MTCL3: variants seen among roughly 807,000 people sequenced by gnomAD.
MTCL3 encodes the protein microtubule cross-linking factor 3.
chr6:127,475,698 G>C, the MTCL3 span: 6 of 1,584,708 alleles, frequency 3.8e-6, no homozygotes, highest in Non-Finnish European at 5.1e-6. This position sits in a 1 kb window ranked among gnomAD's most constrained non-coding sequence, Gnocchi z 7.3. Flanking sequence ...CGCCGCCGAT[G>C]GGCCCTTCGC....
At chr6:127,475,463 G>C in the MTCL3 span, 7 of 1,613,456 alleles carry the variant, frequency 4.3e-6, no homozygotes. The surrounding 1 kb of genome is among the most constrained non-coding windows in gnomAD (Gnocchi z 7.3). Flanking sequence ...TCGTCCATGA[G>C]TCCGAACAGG....
chr6:127,489,944 C>T, the MTCL3 span, among the ~76,000 whole-genome samples: 1 of 152,200 alleles, frequency 6.6e-6, no homozygotes, highest in Non-Finnish European at 1.5e-5. Flanking sequence ...GATAAAACAG[C>T]CTTCTATTGG....
chr6:127,514,045 G>T, the MTCL3 span, among the ~76,000 whole-genome samples: 2 of 152,152 alleles, frequency 1.3e-5, no homozygotes, highest in Non-Finnish European at 2.9e-5. Flanking sequence ...TGCAATGAAC[G>T]TATACTTATT....
the MTCL3 span, among the ~76,000 whole-genome samples, chr6:127,477,524 T>C: frequency 6.6e-6 from 1 of 152,200 alleles, no homozygotes; most frequent in African/African-American, 2.4e-5. Flanking sequence ...ATTCTTTCCT[T>C]ATCCAGTACT....
the MTCL3 span, among the ~76,000 whole-genome samples, chr6:127,502,816 T>G: frequency 6.6e-6 from 1 of 152,200 alleles, no homozygotes; most frequent in Non-Finnish European, 1.5e-5. Context: ...AAAATATTTA[T>G]TTTCCTTTAA....
At chr6:127,489,376 G>C in the MTCL3 span, among the ~76,000 whole-genome samples, 1 of 152,154 alleles carries the variant, frequency 6.6e-6, no homozygotes, top group Non-Finnish European at 1.5e-5. Context: ...TGGCCTCTAA[G>C]TTTTCAAGTG....
chr6:127,507,367 A>T, the MTCL3 span, among the ~76,000 whole-genome samples: 1 of 152,184 alleles, frequency 6.6e-6, no homozygotes, highest in Admixed American at 6.5e-5. Context: ...TATGTAAATA[A>T]GAAATTTGAA....
At chr6:127,494,263 A>C in the MTCL3 span, among the ~76,000 whole-genome samples, 1 of 152,234 alleles carries the variant, frequency 6.6e-6, no homozygotes, top group Admixed American at 6.5e-5. Context: ...TTTTGCACCA[A>C]TTTAAGTGTA....
the MTCL3 span, among the ~76,000 whole-genome samples, chr6:127,488,495 G>A: frequency 1.1e-4 from 16 of 152,126 alleles, no homozygotes; most frequent in African/African-American, 3.6e-4. Flanking sequence ...CTGACACAAA[G>A]TAGTTGTTTA....
chr6:127,499,964 A>T, the MTCL3 span, among the ~76,000 whole-genome samples: 1 of 151,840 alleles, frequency 6.6e-6, no homozygotes, highest in Non-Finnish European at 1.5e-5. Flanking sequence ...GTTAGTTTTC[A>T]CTGGCCTCTA....
chr6:127,476,966 A>G, the MTCL3 span, among the ~76,000 whole-genome samples: 2 of 152,358 alleles, frequency 1.3e-5, no homozygotes, highest in African/African-American at 4.8e-5. The surrounding 1 kb of genome is among the most constrained non-coding windows in gnomAD (Gnocchi z 4.4). Flanking sequence ...TCCTGGTTTA[A>G]AGATGTTCAG....
the MTCL3 span, among the ~76,000 whole-genome samples, chr6:127,508,832 A>C: frequency 5.9e-3 from 905 of 152,306 alleles, 5 homozygotes; most frequent in African/African-American, 0.021. Context: ...AAGCTTTGAA[A>C]ATAAAGTTCA....
At chr6:127,503,090 A>T in the MTCL3 span, among the ~76,000 whole-genome samples, 1 of 152,180 alleles carries the variant, frequency 6.6e-6, no homozygotes, top group African/African-American at 2.4e-5. Flanking sequence ...TTCTAGGAGT[A>T]TTGAGGTTCC....
chr6:127,502,861 C>T, the MTCL3 span, among the ~76,000 whole-genome samples: 1 of 152,266 alleles, frequency 6.6e-6, no homozygotes, highest in Non-Finnish European at 1.5e-5. Context: ...TATTACGTGA[C>T]TTATCTGAAG....
At chr6:127,515,351 A>G in the MTCL3 span, among the ~76,000 whole-genome samples, 2 of 152,062 alleles carry the variant, frequency 1.3e-5, no homozygotes, top group African/African-American at 4.8e-5. The surrounding 1 kb of genome is among the most constrained non-coding windows in gnomAD (Gnocchi z 4.3). Context: ...GAGCAGATTC[A>G]AATTCCGGCA....
the MTCL3 span, among the ~76,000 whole-genome samples, chr6:127,497,936 A>C: frequency 6.6e-6 from 1 of 152,228 alleles, no homozygotes; most frequent in Non-Finnish European, 1.5e-5. Flanking sequence ...TCTATACATG[A>C]AAATGACTCA....
chr6:127,516,669 T>C, the MTCL3 span: 1 of 1,540,432 alleles, frequency 6.5e-7, no homozygotes, highest in Non-Finnish European at 8.7e-7. Flanking sequence ...ATCATCCTCT[T>C]CCCTCTTCAC....
chr6:127,510,346 A>C, the MTCL3 span, among the ~76,000 whole-genome samples: 4 of 152,344 alleles, frequency 2.6e-5, no homozygotes, highest in East Asian at 1.9e-4. Context: ...GAAGGAGGAA[A>C]TAGTCACAGG....
At chr6:127,513,709 A>T in the MTCL3 span, among the ~76,000 whole-genome samples, 6 of 152,092 alleles carry the variant, frequency 3.9e-5, no homozygotes, top group Non-Finnish European at 8.8e-5. Context: ...GAGGCTTAGG[A>T]CACAGGTTGT....
Sources: gnomAD v4.1 joint callset for allele counts (sites outside exome capture counted in the v4.1 genomes callset) on GRCh38, gnomAD v4.1.1 for gene constraint, Gnocchi (gnomAD v3.1) non-coding constraint, MANE v1.5 for transcripts, NCBI Gene and HGNC (gene_info 2026-07-23, HGNC 2026-07-21) for gene names.